Variants in RGSL1 observed in about 807,000 individuals in gnomAD.
The protein encoded by RGSL1 is regulator of G protein signaling protein-like.
Under a neutral mutation model 124.7 loss-of-function variants are expected in RGSL1, and 97 were observed. That is an observed-to-expected ratio of 0.78 (90% CI 0.66 to 0.92). The LOEUF (loss-of-function observed/expected upper bound fraction) is 0.92. RGSL1 is among the 40% of genes least tolerant of loss of function. The probability of loss-of-function intolerance (pLI) is 0.00; values close to 1 mark genes in which losing one functional copy is unlikely to be tolerated. For missense variants in RGSL1, 1,233 were observed against 1,288.4 expected (o/e 0.96, Z 0.66); for synonymous variants, 424 against 438.1 (o/e 0.97, Z 0.40).
intron 14 of RGSL1, among the ~76,000 whole-genome samples, chr1:182,532,995 G>A (rs1237502214): frequency 1.3e-5 from 2 of 151,938 alleles, no homozygotes; most frequent in South Asian, 2.1e-4. Flanking sequence ...AGCCAGCAAG[G>A]GTAGGGAATA....
chr1:182,459,154 A>G (rs967518899), intron 3 of RGSL1, among the ~76,000 whole-genome samples: 4 of 152,200 alleles, frequency 2.6e-5, no homozygotes, highest in African/African-American at 2.4e-5. Context: ...GCATTATCAG[A>G]TATACATCAA....
intron 6 of RGSL1, among the ~76,000 whole-genome samples, chr1:182,484,751 G>A (rs1654970586): frequency 6.6e-6 from 1 of 152,200 alleles, no homozygotes; most frequent in Non-Finnish European, 1.5e-5. Context: ...AGGAGGGAGT[G>A]TAGAGCTTAA....
At chr1:182,490,332 T>G (rs937553353) in intron 8 of RGSL1, among the ~76,000 whole-genome samples, 1 of 152,234 alleles carries the variant, frequency 6.6e-6, no homozygotes, top group African/African-American at 2.4e-5. Context: ...TAATGGCCCC[T>G]AATTTGTTCA....
At chr1:182,555,146 C>G (rs143613012) in intron 20 of RGSL1, 5 of 160,524 alleles carry the variant, frequency 3.1e-5, no homozygotes, top group African/African-American at 1.2e-4. Flanking sequence ...CACTCTCGCA[C>G]TCTTCCAAGT....
chr1:182,463,746 T>C (rs909585344), intron 4 of RGSL1, among the ~76,000 whole-genome samples: 17 of 152,074 alleles, frequency 1.1e-4, no homozygotes, highest in Admixed American at 7.2e-4. Flanking sequence ...AAAGAGAAAA[T>C]AGACAATCCT....
At chr1:182,547,244 T>C (rs10797785) in intron 15 of RGSL1, among the ~76,000 whole-genome samples, 79,626 of 152,074 alleles carry the variant, frequency 0.52, 21,069 homozygotes, top group Non-Finnish European at 0.56. Context: ...TGATAGGTGC[T>C]ATGGGAGAAT....
intron 2 of RGSL1, among the ~76,000 whole-genome samples, chr1:182,454,625 TGG>T (rs1481531436): frequency 5.7e-5 from 8 of 139,132 alleles, no homozygotes; most frequent in Admixed American, 4.4e-4. Flanking sequence ...TGTGTGTGTG[TGG>T]CCCCCAGTAG....
intron 6 of RGSL1, among the ~76,000 whole-genome samples, chr1:182,483,671 G>T (rs1464013957): frequency 2.0e-5 from 3 of 151,808 alleles, no homozygotes; most frequent in Non-Finnish European, 2.9e-5. Flanking sequence ...ACGTTCAGGG[G>T]TACATATGCA....
chr1:182,495,967 G>A (rs1358285844), intron 9 of RGSL1, among the ~76,000 whole-genome samples: 1 of 152,162 alleles, frequency 6.6e-6, no homozygotes, highest in Non-Finnish European at 1.5e-5. Context: ...GTTTATGACA[G>A]TATAGTAATC....
intron 13 of RGSL1, among the ~76,000 whole-genome samples, chr1:182,531,540 C>G (rs962518140): frequency 1.3e-5 from 2 of 152,196 alleles, no homozygotes; most frequent in Non-Finnish European, 2.9e-5. Context: ...CCAGCTTGAT[C>G]TGACTCCAGA....
At chr1:182,452,602 G>A (rs1245104739) in intron 1 of RGSL1, among the ~76,000 whole-genome samples, 2 of 152,050 alleles carry the variant, frequency 1.3e-5, no homozygotes, top group African/African-American at 2.4e-5. Context: ...ACAGGCTCCC[G>A]CCACTATGCC....
chr1:182,481,480 A>T (rs944803043), intron 6 of RGSL1, among the ~76,000 whole-genome samples: 2 of 152,226 alleles, frequency 1.3e-5, no homozygotes, highest in Non-Finnish European at 2.9e-5. Flanking sequence ...AACCAGGGAC[A>T]AGATGGCGTC....
chr1:182,485,105 T>C (rs1655002333), intron 6 of RGSL1, among the ~76,000 whole-genome samples: 1 of 152,176 alleles, frequency 6.6e-6, no homozygotes, highest in African/African-American at 2.4e-5. Flanking sequence ...CTGTGAGGAC[T>C]GCAGGGGACC....
At chr1:182,499,278 G>T (rs1656173877) in intron 9 of RGSL1, among the ~76,000 whole-genome samples, 1 of 152,164 alleles carries the variant, frequency 6.6e-6, no homozygotes, top group Admixed American at 6.5e-5. Flanking sequence ...GGGTGTTGAA[G>T]TCTCCCACTG....
At chr1:182,469,079 T>G (rs1293734965) in intron 4 of RGSL1, among the ~76,000 whole-genome samples, 2 of 152,030 alleles carry the variant, frequency 1.3e-5, no homozygotes, top group Non-Finnish European at 2.9e-5. Context: ...TGAAAAAACT[T>G]ATGGAGGACA....
At chr1:182,520,763 T>C (rs1043598477) in intron 9 of RGSL1, among the ~76,000 whole-genome samples, 2 of 152,214 alleles carry the variant, frequency 1.3e-5, no homozygotes, top group South Asian at 4.1e-4. Context: ...TTTCACTTAG[T>C]TGCATTTATT....
At chr1:182,553,627 C>A (rs266545) in intron 19 of RGSL1, 86 bp downstream of exon 19, 130,676 of 1,144,140 alleles carry the variant, frequency 0.11, 8,460 homozygotes, top group Non-Finnish European at 0.13. Context: ...CCCTTATTGA[C>A]AATAAGGAGA....
At chr1:182,461,376 T>C (rs1302655839) in intron 4 of RGSL1, among the ~76,000 whole-genome samples, 1 of 151,832 alleles carries the variant, frequency 6.6e-6, no homozygotes, top group African/African-American at 2.4e-5. Context: ...CAGCAAACTC[T>C]GTGAAAAGGA....
Position 182,548,760 on chromosome 1 carries a change from G to C in RGSL1, c.2869G>C (p.Asp957His). The C allele has an allele frequency of 6.4e-7, 1 of 1,551,688 alleles. No individual in the cohort carries two copies. Among genetic ancestry groups the C allele is most frequent in the Non-Finnish European group, 8.7e-7 (1 of 1,146,986 alleles). ...ILAAITEGYL[D>H]RSVFHGAIMS... is the part of the protein sequence containing the mutation. ...TGCTGCCATCACAGAGGGCTACCTA[G>C]ATCGGAGCGTCTTCCATGGGGCTAT... Residue 957 changes from aspartate (D) to histidine (H), a missense_variant, in exon 17 of 22, where the codon GAT becomes CAT. Coordinates refer to ENST00000294854, the MANE Select transcript of RGSL1 (RefSeq NM_001137669.2).
Sources: allele counts gnomAD v4.1 joint callset (sites outside exome capture counted in the v4.1 genomes callset), GRCh38; gene constraint gnomAD v4.1.1; transcripts MANE v1.5; gene names NCBI Gene and HGNC (gene_info 2026-07-23, HGNC 2026-07-21).